ESRRG: variants seen among roughly 807,000 people sequenced by gnomAD.
The protein encoded by ESRRG is estrogen-related receptor gamma.
A neutral mutation model predicts 44.0 loss-of-function variants in ESRRG; 13 were observed. The ratio of observed to expected loss-of-function variants is 0.30; its 90% CI spans 0.19 to 0.47. The LOEUF (loss-of-function observed/expected upper bound fraction) is 0.47, where lower values mean the gene tolerates loss of function less well. ESRRG is among the 20% of genes least tolerant of loss of function. The pLI, the probability that ESRRG is intolerant of heterozygous loss-of-function variation, is 1.00. For synonymous variants in ESRRG, 215 were observed against 214.6 expected (o/e 1.00, Z -0.02); for missense variants, 395 against 580.6 (o/e 0.68, Z 3.29).
intron 2 of ESRRG, among the ~76,000 whole-genome samples, chr1:216,854,345 G>A (rs2095886674): frequency 2.7e-5 from 2 of 72,754 alleles, no homozygotes. Flanking sequence ...GACAGAGCAA[G>A]ACACCATCAA....
chr1:216,661,096 G>C (rs1362033309), intron 2 of ESRRG, among the ~76,000 whole-genome samples: 3 of 152,110 alleles, frequency 2.0e-5, no homozygotes, highest in Non-Finnish European at 4.4e-5. Flanking sequence ...AAGGACTAAA[G>C]AAATTCAATG....
Position 216,790,358 on chromosome 1 carries a change from A to AGG in ESRRG, c.-13-112868_-13-112867insCC, listed in dbSNP as rs569472731. Reference sequence around the variant, plus strand: ...TTTGAGCCCATTCCCCATCTGTAAAATGGACACAATTATATTTGCTTTTTT... The same window carrying AGG: ...TTTGAGCCCATTCCCCATCTGTAAAAGGTGGACACAATTATATTTGCTTTTTT... On this transcript the variant is annotated intron_variant, in intron 2 of 7. Transcript: ENST00000359162. Among the ~76,000 whole-genome samples the AGG allele has an allele frequency of 1.4e-4, 21 of 152,264 alleles. 1 individual carries two copies. In the East Asian group the frequency reaches 1.9e-3, roughly 14 times the overall value.
chr1:216,917,355 A>C (rs1414135341), intron 2 of ESRRG, among the ~76,000 whole-genome samples: 2 of 152,080 alleles, frequency 1.3e-5, no homozygotes, highest in Admixed American at 1.3e-4. Context: ...GACATGGTTC[A>C]CTGTGAGCAA....
chr1:216,887,712 G>T (rs1044578746), intron 2 of ESRRG, among the ~76,000 whole-genome samples: 2 of 152,078 alleles, frequency 1.3e-5, no homozygotes, highest in Admixed American at 6.5e-5. Flanking sequence ...TGAATGGCTT[G>T]TTTTCTCTCT....
upstream of ESRRG, among the ~76,000 whole-genome samples, chr1:217,093,337 A>T (rs1008060134): frequency 1.3e-5 from 2 of 152,188 alleles, no homozygotes; most frequent in African/African-American, 2.4e-5. Context: ...AGAGAGGAGA[A>T]AAAGCAAGAA....
chr1:217,026,912 C>CACACAG (rs1255637839), intron 1 of ESRRG, among the ~76,000 whole-genome samples: 8 of 93,472 alleles, frequency 8.6e-5, no homozygotes, highest in African/African-American at 2.8e-4. Flanking sequence ...CACACACACA[C>CACACAG]AGAGAGAGAG....
chr1:216,835,788 C>A (rs7548403), intron 2 of ESRRG, among the ~76,000 whole-genome samples: 34,739 of 152,064 alleles, frequency 0.23, 4,207 homozygotes, highest in African/African-American at 0.3. Context: ...GTCAAACAGC[C>A]AAACAAGGCT....
At chr1:217,113,596 G>A (rs2092685064) in intron 1 of ESRRG, among the ~76,000 whole-genome samples, 1 of 110,466 alleles carries the variant, frequency 9.1e-6, no homozygotes, top group African/African-American at 2.6e-5. Flanking sequence ...GGGGGCTTGG[G>A]AGGGACCATT....
chr1:216,657,754 A>G lies in ESRRG; in HGVS notation c.473-6665T>C, dbSNP rs1343217287. ...ATAATAGTTAGAGTTGGCTCTTATC[A>G]AAGCAATTTCATACACAGGAGTGTG... On this transcript the variant is annotated intron_variant, in intron 2 of 6. Coordinates refer to ENST00000408911, the MANE Select transcript of ESRRG (RefSeq NM_001438.4). Among the ~76,000 whole-genome samples the G allele has an allele frequency of 2.6e-5, 4 of 152,234 alleles. No homozygotes were observed. The Middle Eastern group carries it at 0.01, about 388-fold the overall frequency.
chr1:216,547,478 C>T (rs2054901404), intron 5 of ESRRG, among the ~76,000 whole-genome samples: 1 of 146,420 alleles, frequency 6.8e-6, no homozygotes, highest in African/African-American at 2.4e-5. Context: ...AAAACTTAGC[C>T]CTACATTTAC....
intron 2 of ESRRG, among the ~76,000 whole-genome samples, chr1:216,806,624 T>G (rs1559710859): frequency 6.6e-6 from 1 of 152,196 alleles, no homozygotes; most frequent in African/African-American, 2.4e-5. Flanking sequence ...CAGGCTGCAA[T>G]ACCATTCACC....
At chr1:216,943,176 T>C (rs896439094) in intron 1 of ESRRG, among the ~76,000 whole-genome samples, 1 of 152,152 alleles carries the variant, frequency 6.6e-6, no homozygotes, top group Non-Finnish European at 1.5e-5. Context: ...CATGGTTGTG[T>C]AGTATGAGAG....
chr1:216,537,119 A>G (rs2051207346), intron 5 of ESRRG, among the ~76,000 whole-genome samples: 1 of 152,032 alleles, frequency 6.6e-6, no homozygotes, highest in Non-Finnish European at 1.5e-5. Flanking sequence ...CCTATCGCCA[A>G]AGGTATGACA....
At chr1:216,818,163 T>G (rs2095198264) in intron 2 of ESRRG, among the ~76,000 whole-genome samples, 1 of 152,124 alleles carries the variant, frequency 6.6e-6, no homozygotes, top group Admixed American at 6.5e-5. Flanking sequence ...CACTAAAACC[T>G]CCTGAAACAG....
At chr1:216,769,128 A>T (rs2093263737) in intron 2 of ESRRG, among the ~76,000 whole-genome samples, 1 of 152,176 alleles carries the variant, frequency 6.6e-6, no homozygotes, top group African/African-American at 2.4e-5. Flanking sequence ...GCTTAGGATT[A>T]CTTCAGGAGA....
intron 2 of ESRRG, among the ~76,000 whole-genome samples, chr1:216,816,884 A>G (rs1301229985): frequency 6.6e-6 from 1 of 152,218 alleles, no homozygotes; most frequent in African/African-American, 2.4e-5. Flanking sequence ...GGCATCTATC[A>G]CGGTTTCATT....
chr1:216,562,057 G>A (rs1382628028), intron 5 of ESRRG, among the ~76,000 whole-genome samples: 3 of 152,044 alleles, frequency 2.0e-5, no homozygotes, highest in Non-Finnish European at 2.9e-5. Context: ...ATGCACAGTC[G>A]GACCTACATA....
chr1:217,091,229 G>A (rs973495301), upstream of ESRRG, among the ~76,000 whole-genome samples: 2 of 152,234 alleles, frequency 1.3e-5, no homozygotes, highest in East Asian at 1.9e-4. Context: ...TCATGTATTG[G>A]TGGAGTCACT....
intron 1 of ESRRG, among the ~76,000 whole-genome samples, chr1:217,043,013 T>C (rs546319861): frequency 6.6e-6 from 1 of 152,306 alleles, no homozygotes; most frequent in South Asian, 2.1e-4. Flanking sequence ...ACCTCAAACA[T>C]GTTAAAATGC....
Sources: gnomAD v4.1 joint callset for allele counts (sites outside exome capture counted in the v4.1 genomes callset) on GRCh38, gnomAD v4.1.1 for gene constraint, MANE v1.5 for transcripts, NCBI Gene and HGNC (gene_info 2026-07-23, HGNC 2026-07-21) for gene names.